Variants in ZNF599 observed in about 807,000 individuals in gnomAD.
The protein encoded by ZNF599 is zinc finger protein 599.
In ZNF599, 10 loss-of-function variants were observed where a neutral mutation model predicts 11.7. The ratio of observed to expected loss-of-function variants is 0.86; its 90% CI spans 0.53 to 1.45. The LOEUF (loss-of-function observed/expected upper bound fraction) is 1.45, where lower values mean the gene tolerates loss of function less well. ZNF599 is among the 40% of genes most tolerant of loss of function. ZNF599 has a pLI of 0.00. For missense variants in ZNF599, 688 were observed against 713.6 expected, an observed-to-expected ratio of 0.96 and a Z score of 0.41; for synonymous variants, 232 against 253.2, an observed-to-expected ratio of 0.92 and a Z score of 0.79.
the ZNF599 span, among the ~76,000 whole-genome samples, chr19:34,799,804 A>G: frequency 6.6e-6 from 1 of 152,248 alleles, no homozygotes; most frequent in Non-Finnish European, 1.5e-5. Flanking sequence ...CCAGAAAAAG[A>G]GGATAGAGGG....
At chr19:34,760,681 C>T (rs1431761657) in intron 3 of ZNF599, 122 bp from the exon 4 acceptor site, 2 of 898,116 alleles carry the variant, frequency 2.2e-6, no homozygotes, top group Admixed American at 3.0e-5. Flanking sequence ...TGCATTTTTA[C>T]ATCTCTCAAA....
Position 34,767,329 on chromosome 19 carries a change from T to G in ZNF599, c.228A>C (p.Gln76His), listed in dbSNP as rs1001444018. Residue 76 changes from glutamine (Q) to histidine (H), a missense_variant, in exon 3 of 4, where the codon CAA becomes CAC. By Grantham distance (24) the Gln-to-His change is conservative (BLOSUM62 0). Transcript: ENST00000329285. ...ELWTVKRGLS[Q>H]STCAGEKAKP... is the part of the protein sequence containing the mutation. Reference sequence around the variant, plus strand: ...TCAGTCACCAACCTGCGCAGGTGCTTTGGGAGAGGCCTCTCTTCACTGTCC... The same window carrying G: ...TCAGTCACCAACCTGCGCAGGTGCTGTGGGAGAGGCCTCTCTTCACTGTCC... 5 of 1,613,860 alleles carry G rather than the reference T, an allele frequency of 3.1e-6. No homozygotes were observed. In the African/African-American group the frequency reaches 6.7e-5, roughly 22 times the overall value.
intron 3 of ZNF599, chr19:34,763,331 A>C (rs2069123493): frequency 6.6e-6 from 1 of 152,232 alleles, no homozygotes; most frequent in Non-Finnish European, 1.5e-5. Context: ...ATTATTTATA[A>C]TTTTTCTAAT....
the ZNF599 span, among the ~76,000 whole-genome samples, chr19:34,805,108 T>C: frequency 6.6e-6 from 1 of 152,194 alleles, no homozygotes; most frequent in Non-Finnish European, 1.5e-5. Context: ...TCTTGGTAAG[T>C]ACTTTTACTG....
chr19:34,802,143 G>A, the ZNF599 span, among the ~76,000 whole-genome samples: 1 of 152,320 alleles, frequency 6.6e-6, no homozygotes, highest in Admixed American at 6.5e-5. Context: ...TTGGTGAGAA[G>A]GGGCACTGAC....
chr19:34,777,409 TAA>T (rs1412840456), upstream of ZNF599, among the ~76,000 whole-genome samples: 44 of 92,708 alleles, frequency 4.7e-4, no homozygotes, highest in African/African-American at 1.6e-3. Flanking sequence ...ATATTATATA[TAA>T]TATATATTAA....
chr19:34,788,795 T>C, the ZNF599 span: 1 of 152,330 alleles, frequency 6.6e-6, no homozygotes, highest in Non-Finnish European at 1.5e-5. Context: ...TGGGATAAAA[T>C]GATTAATATT....
In ZNF599 at chr19:34,759,754, C is replaced by T. The variant is rs769513345; in HGVS notation, c.1047G>A (p.Thr349=). Residue 349 remains threonine (T), a synonymous_variant, in exon 4 of 4, where the codon ACG becomes ACA. Transcript: ENST00000329285. ...YECGECGKAF[T]HRSTFIQHNV... ...TGTGCTGGATAAATGTGGAGCGGTG[C>T]GTGAAGGCCTTTCCACATTCACCGC... The T allele has an allele frequency of 4.3e-5, 70 of 1,611,020 alleles. No individual in the cohort carries two copies. The highest frequency in any genetic ancestry group is 2.2e-4 in the African/African-American group (16 of 73,876).
intron 3 of ZNF599, chr19:34,764,985 G>A (rs1014539140): frequency 6.6e-6 from 1 of 151,658 alleles, no homozygotes; most frequent in African/African-American, 2.4e-5. Flanking sequence ...AACAAGCTTG[G>A]CTGTTCAGGT....
chr19:34,773,644 C>T (rs1042970223), upstream of ZNF599, among the ~76,000 whole-genome samples: 1 of 152,158 alleles, frequency 6.6e-6, no homozygotes, highest in African/African-American at 2.4e-5. Flanking sequence ...ATCAGCATTA[C>T]CTGCGAATTT....
At chr19:34,796,513 G>A in the ZNF599 span, among the ~76,000 whole-genome samples, 1 of 152,026 alleles carries the variant, frequency 6.6e-6, no homozygotes, top group Admixed American at 6.6e-5. Context: ...GTTTCACCAT[G>A]TTGGCCAGGC....
upstream of ZNF599, among the ~76,000 whole-genome samples, chr19:34,777,508 T>TAA (rs2069227044): frequency 1.8e-5 from 2 of 113,278 alleles, no homozygotes; most frequent in African/African-American, 3.5e-5. Flanking sequence ...TATTAATATA[T>TAA]TATATATTAA....
the ZNF599 span, among the ~76,000 whole-genome samples, chr19:34,783,300 G>A: frequency 6.6e-6 from 1 of 152,260 alleles, no homozygotes; most frequent in Non-Finnish European, 1.5e-5. Flanking sequence ...AGAGCAAAGA[G>A]GGAAGCAGGG....
chr19:34,760,207 AG>A lies in ZNF599; in HGVS notation c.593del (p.Pro198LeufsTer27), dbSNP rs1201156307. On this transcript the variant is annotated frameshift_variant, in exon 4 of 4. Coordinates refer to ENST00000329285, the MANE Select transcript of ZNF599 (RefSeq NM_001007248.3). LOFTEE classifies it low-confidence loss of function (END_TRUNC). The part of the protein sequence containing the change: ...KDPMTDARNN[P>X]YTCTECGKGF... ...CTTTCCCACATTCCGTGCATGTGTA[AG>A]GGTTATTCCTTGCATCAGTCATGGG... is the stretch of plus-strand genomic sequence containing the variant. The A allele has an allele frequency of 4.3e-6, 7 of 1,614,052 alleles. No individual in the cohort carries two copies. The highest frequency in any genetic ancestry group is 5.1e-6 in the Non-Finnish European group (6 of 1,180,044).
At chr19:34,762,382 G>A (rs1230674103) in intron 3 of ZNF599, among the ~76,000 whole-genome samples, 1 of 152,136 alleles carries the variant, frequency 6.6e-6, no homozygotes, top group East Asian at 1.9e-4. Context: ...ATTCAGATAA[G>A]GCAAGGGAAG....
At chr19:34,794,134 T>G in the ZNF599 span, among the ~76,000 whole-genome samples, 3 of 152,130 alleles carry the variant, frequency 2.0e-5, no homozygotes, top group Admixed American at 6.5e-5. Context: ...TCAGGTCTCG[T>G]GAGACCCATT....
the ZNF599 span, among the ~76,000 whole-genome samples, chr19:34,800,969 G>GT: frequency 6.6e-6 from 1 of 152,106 alleles, no homozygotes; most frequent in Non-Finnish European, 1.5e-5. Context: ...TGTTGTTTAC[G>GT]TTTTTCCAAT....
intron 3 of ZNF599, chr19:34,763,636 C>T (rs1454989418): frequency 5.9e-5 from 9 of 152,202 alleles, no homozygotes; most frequent in African/African-American, 1.9e-4. Context: ...TGAGAGAAAA[C>T]ACATTTCTGC....
chr19:34,759,406 A>C lies in ZNF599; in HGVS notation c.1395T>G (p.Val465=). 6.2e-7 allele frequency: 1 copy of C among 1,614,152 alleles called. No individual in the cohort carries two copies. Among genetic ancestry groups the C allele is most frequent in the African/African-American group, 1.3e-5 (1 of 75,030 alleles). ...TGTGGGTCCTATTATGTCGAATAAA[A>C]ACAGAGTGGTGTGTAAAAGCCTTTC... ...ECGKAFTHHS[V]FIRHNRTHSG... The change falls in exon 4 of 4, where the codon GTT becomes GTG. Residue 465 remains valine, a synonymous_variant. Transcript: ENST00000329285.
Sources: gnomAD v4.1 joint callset for allele counts (sites outside exome capture counted in the v4.1 genomes callset) on GRCh38, gnomAD v4.1.1 for gene constraint, MANE v1.5 for transcripts, NCBI Gene and HGNC (gene_info 2026-07-23, HGNC 2026-07-21) for gene names.